The following TJP2 variants were observed in gnomAD, a reference collection of about 807,000 sequenced individuals.
The protein encoded by TJP2 is Friedreich ataxia region gene X104 (tight junction protein ZO-2).
Under a neutral mutation model 133.1 loss-of-function variants are expected in TJP2, and 91 were observed. The ratio of observed to expected loss-of-function variants is 0.68; its 90% CI spans 0.58 to 0.81. The LOEUF is 0.81. Ranked by LOEUF, TJP2 falls within the 40% of genes least tolerant of loss-of-function variation. The pLI is 0.00. For synonymous variants in TJP2, 592 were observed against 583.4 expected, an observed-to-expected ratio of 1.01 and a Z score of -0.21; for missense variants, 1,541 against 1,565.6, an observed-to-expected ratio of 0.98 and a Z score of 0.26.
chr9:69,169,397 C>T (rs960748367), upstream of TJP2, among the ~76,000 whole-genome samples: 9 of 140,080 alleles, frequency 6.4e-5, no homozygotes, highest in South Asian at 6.6e-4. Context: ...TCACTCTTGT[C>T]GCCCAGGCTG....
intron 1 of TJP2, among the ~76,000 whole-genome samples, chr9:69,143,203 G>T (rs1223122333): frequency 6.6e-6 from 1 of 152,212 alleles, no homozygotes; most frequent in African/African-American, 2.4e-5. Flanking sequence ...GAATCACTTT[G>T]TAAGAGCTGC....
In TJP2 at chr9:69,234,560, G is replaced by T; in HGVS notation, c.1780+13G>T. On this transcript the variant is annotated intron_variant, in intron 12 of 22. Coordinates refer to ENST00000377245, the MANE Select transcript of TJP2 (RefSeq NM_004817.4). ...AGCCGAGCCGATGGTGAGCAAATTT[G>T]GTCATTTAGTTTAGTTGGGGTGGGG... is the stretch of plus-strand genomic sequence containing the variant. The T allele has an allele frequency of 2.5e-6, 2 of 803,274 alleles. No individual in the cohort carries two copies. The highest frequency in any genetic ancestry group is 2.7e-4 in the Middle Eastern group (1 of 3,670). 49.8% of individuals were successfully genotyped at this position (803,274 alleles called of 1,614,324 possible). A position where few individuals can be genotyped will look rare whatever the true frequency, so the allele number is the denominator to read the frequency against.
chr9:69,223,007 T>C (rs1332017960), intron 5 of TJP2, among the ~76,000 whole-genome samples: 2 of 139,794 alleles, frequency 1.4e-5, no homozygotes, highest in Admixed American at 1.5e-4. Flanking sequence ...GGGGCAGAGG[T>C]TGCAGTAGCA....
chr9:69,174,091 C>G, upstream of TJP2: 1 of 1,143,432 alleles, frequency 8.7e-7, no homozygotes, highest in East Asian at 4.5e-5. Flanking sequence ...AGGCGCGGCG[C>G]CGGCGAGCCC....
chr9:69,165,122 G>A (rs779385067), intron 2 of TJP2, among the ~76,000 whole-genome samples: 8 of 151,808 alleles, frequency 5.3e-5, no homozygotes, highest in South Asian at 2.1e-4. Flanking sequence ...GAGCCACGGC[G>A]CCTGGCTGGA....
chr9:69,159,801 G>A (rs1324069493), intron 2 of TJP2, among the ~76,000 whole-genome samples: 1 of 151,566 alleles, frequency 6.6e-6, no homozygotes, highest in African/African-American at 2.4e-5. Flanking sequence ...ACTTGAACCC[G>A]GGTGGCAGAG....
At chr9:69,212,978 CT>C (rs1444335770) in intron 2 of TJP2, among the ~76,000 whole-genome samples, 1 of 44,304 alleles carries the variant, frequency 2.3e-5, no homozygotes, top group African/African-American at 4.8e-5. Flanking sequence ...CCTTATAACT[CT>C]TAAAAAGTGT....
rs576758487 is a variant in TJP2 at position 69,191,743 on chromosome 9, T to A, written c.60+17311T>A. Among the ~76,000 whole-genome samples, 161 of 151,538 alleles carry A rather than the reference T, an allele frequency of 1.1e-3. 1 individual carries two copies. Among genetic ancestry groups the A allele is most frequent in the Admixed American group, 3.1e-3 (47 of 15,240 alleles). Reference sequence around the variant, plus strand: ...ACTGAATGCAGTTCATTTTTAAAATTTTTTTTTTTTTGAGACAGAGTCTCA... The same window carrying A: ...ACTGAATGCAGTTCATTTTTAAAATATTTTTTTTTTTGAGACAGAGTCTCA... On this transcript the variant is annotated intron_variant, in intron 1 of 22. Coordinates refer to ENST00000377245, the MANE Select transcript of TJP2 (RefSeq NM_004817.4).
chr9:69,245,026 T>A (rs1830826580), intron 17 of TJP2, among the ~76,000 whole-genome samples: 1 of 152,246 alleles, frequency 6.6e-6, no homozygotes. Context: ...AATCACTCAT[T>A]TTGTCTCTGG....
chr9:69,151,808 T>C, intron 2 of TJP2: 1 of 1,232,054 alleles, frequency 8.1e-7, no homozygotes, highest in Non-Finnish European at 1.0e-6. Context: ...ACCTAGTTAC[T>C]GGTCTCCCCC....
In TJP2 at chr9:69,248,140, C is replaced by A; in HGVS notation, c.2796C>A (p.Tyr932Ter). 1 of 1,614,214 alleles carries A rather than the reference C, an allele frequency of 6.2e-7. No homozygotes were observed. The highest frequency in any genetic ancestry group is 8.5e-7 in the Non-Finnish European group (1 of 1,180,032). The change falls in exon 19 of 23, where the codon TAC becomes TAA. Residue 932 changes from tyrosine to a stop codon, truncating the protein, a stop_gained. Transcript: ENST00000377245. LOFTEE classifies it high-confidence loss of function. The stretch of plus-strand genomic sequence containing the variant: ...ACACGGACGGTGAAGGAGGCGCCTA[C>A]ACTGACAATGAGCTGGATGAGCCAG... ...FEDTDGEGGA[Y>*]TDNELDEPAE...
At chr9:69,243,451 A>T (rs933661093) in intron 17 of TJP2, among the ~76,000 whole-genome samples, 1 of 152,270 alleles carries the variant, frequency 6.6e-6, no homozygotes, top group Non-Finnish European at 1.5e-5. Context: ...GCCCAAAGGC[A>T]AGTTGACTTG....
upstream of TJP2, among the ~76,000 whole-genome samples, chr9:69,172,593 G>A (rs1474403860): frequency 1.3e-5 from 2 of 152,206 alleles, no homozygotes; most frequent in East Asian, 3.8e-4. Context: ...AGATGTAACT[G>A]CCACATTCTG....
intron 3 of TJP2, 91 bp from the exon 4 acceptor site, chr9:69,218,166 T>C (rs1036671790): frequency 9.2e-7 from 1 of 1,088,852 alleles, no homozygotes. Context: ...GCCTTTCAGG[T>C]CTATTTGCTG....
In TJP2 at chr9:69,139,843, A is replaced by G. The variant is rs528169551; in HGVS notation, c.-130-11808A>G. ...AGAGCAATAGCTCTGTAGCAGGACA[A>G]AGTTCCTCCATAGGGCCCTATACTG... On this transcript the variant is annotated intron_variant, in intron 1 of 5. Transcript: ENST00000423935. 8.9e-4 allele frequency among the ~76,000 whole-genome samples: 135 copies of G among 152,222 alleles called. 2 individuals carry two copies. The highest frequency in any genetic ancestry group is 3.1e-3 in the African/African-American group (128 of 41,538).
At chr9:69,219,588 A>G (rs1333107553) in intron 4 of TJP2, among the ~76,000 whole-genome samples, 1 of 152,048 alleles carries the variant, frequency 6.6e-6, no homozygotes, top group Non-Finnish European at 1.5e-5. Context: ...CCATATCTCA[A>G]GATGTCTTTT....
At chr9:69,235,452 A>G (rs1297678845) in intron 12 of TJP2, among the ~76,000 whole-genome samples, 1 of 151,874 alleles carries the variant, frequency 6.6e-6, no homozygotes, top group Non-Finnish European at 1.5e-5. Context: ...CCTCCCGAGT[A>G]GCTGGGACTA....
chr9:69,246,913 G>C, intron 18 of TJP2, 123 bp downstream of exon 18: 2 of 905,352 alleles, frequency 2.2e-6, no homozygotes, highest in Non-Finnish European at 3.6e-6. Context: ...TGCTAATCAA[G>C]TTTGAAATTT....
At chr9:69,132,612 T>C (rs562665056) in intron 1 of TJP2, among the ~76,000 whole-genome samples, 1 of 152,234 alleles carries the variant, frequency 6.6e-6, no homozygotes, top group Admixed American at 6.5e-5. Flanking sequence ...CATTCATCCA[T>C]TTATTCATTC....
Sources: allele counts gnomAD v4.1 joint callset (sites outside exome capture counted in the v4.1 genomes callset), GRCh38; gene constraint gnomAD v4.1.1; transcripts MANE v1.5; gene names NCBI Gene and HGNC (gene_info 2026-07-23, HGNC 2026-07-21).